Variants in PHF20 observed in about 807,000 individuals in gnomAD.
The protein encoded by PHF20 is PHD finger protein 20, also known as glioma-expressed antigen 2.
A neutral mutation model predicts 113.5 loss-of-function variants in PHF20; 23 were observed. That is an observed-to-expected ratio of 0.20 (90% confidence interval 0.15 to 0.29). The LOEUF (loss-of-function observed/expected upper bound fraction) is 0.29, where lower values mean the gene tolerates loss of function less well. PHF20 is among the 10% of genes least tolerant of loss of function. PHF20 has a pLI of 1.00. For missense variants in PHF20, 943 were observed against 1,219.6 expected, an observed-to-expected ratio of 0.77 and a Z score of 3.38; for synonymous variants, 434 against 457.3, an observed-to-expected ratio of 0.95 and a Z score of 0.65.
At position 35,871,491 on chromosome 20, in the gene PHF20, G is replaced by A. The variant is rs142475151; in HGVS notation, c.1103-159G>A. On this transcript the variant is annotated intron_variant, in intron 8 of 17. Transcript: ENST00000374012. ...ACCTCTTTCTTTGAGAAGCTCACAA[G>A]CCAGCCTGTATGTATGGGAACCTGT... Among the ~76,000 whole-genome samples, 4 of 152,286 alleles carry A rather than the reference G, an allele frequency of 2.6e-5. No homozygotes were observed. The East Asian group carries it at 7.7e-4, about 29-fold the overall frequency.
intron 13 of PHF20, among the ~76,000 whole-genome samples, chr20:35,923,922 C>A (rs1416281453): frequency 3.3e-5 from 5 of 151,782 alleles, no homozygotes; most frequent in Admixed American, 3.3e-4. Flanking sequence ...TTGCTAATTT[C>A]TTTAATTTTT....
chr20:35,781,353 G>C (rs2041291871), intron 1 of PHF20, among the ~76,000 whole-genome samples: 1 of 149,412 alleles, frequency 6.7e-6, no homozygotes, highest in Admixed American at 6.6e-5. Context: ...GTATTAGCCA[G>C]GTTGGTCTCC....
chr20:35,897,515 T>C (rs1201206378), intron 9 of PHF20, among the ~76,000 whole-genome samples: 1 of 151,416 alleles, frequency 6.6e-6, no homozygotes, highest in African/African-American at 2.4e-5. Context: ...AGTTCCCCCA[T>C]AGTGCTGTAG....
rs75257580 is a variant in PHF20 at position 35,868,948 on chromosome 20, G to A, written c.809-490G>A. On this transcript the variant is annotated intron_variant, in intron 6 of 17. Coordinates refer to ENST00000374012, the MANE Select transcript of PHF20 (RefSeq NM_016436.5). ...TCTACTAAAATTACAAAAATTAGCC[G>A]GGTGTGGTGTCGGGTGCCTGTAATC... 2.3e-3 allele frequency among the ~76,000 whole-genome samples: 345 copies of A among 152,102 alleles called. 4 individuals are homozygous for A. In the East Asian group the frequency reaches 0.041, roughly 18 times the overall value.
intron 2 of PHF20, among the ~76,000 whole-genome samples, chr20:35,814,330 G>T (rs1391148759): frequency 2.0e-5 from 3 of 151,598 alleles, no homozygotes; most frequent in Non-Finnish European, 2.9e-5. Flanking sequence ...CAATTCTCCT[G>T]CCTCAGCCTC....
chr20:35,789,004 T>C (rs573214584), intron 1 of PHF20, among the ~76,000 whole-genome samples: 1 of 151,884 alleles, frequency 6.6e-6, no homozygotes, highest in South Asian at 2.1e-4. Context: ...CAGCATAGAG[T>C]GATGAATGCT....
At chr20:35,931,952 A>G (rs907415254) in intron 15 of PHF20, among the ~76,000 whole-genome samples, 7 of 147,248 alleles carry the variant, frequency 4.8e-5, no homozygotes, top group Non-Finnish European at 1.1e-4. Context: ...ACTCCGTCTC[A>G]AAAAAAAAAA....
intron 2 of PHF20, among the ~76,000 whole-genome samples, chr20:35,818,290 A>G (rs1413594333): frequency 6.6e-6 from 1 of 152,056 alleles, no homozygotes; most frequent in Non-Finnish European, 1.5e-5. Flanking sequence ...ACAAAACAAA[A>G]CAAAACAAAA....
At chr20:35,924,298 G>T (rs2055579541) in intron 13 of PHF20, among the ~76,000 whole-genome samples, 1 of 149,986 alleles carries the variant, frequency 6.7e-6, no homozygotes, top group Non-Finnish European at 1.5e-5. Flanking sequence ...AGGTTCAAGT[G>T]ATTCTCCTGC....
chr20:35,845,794 T>C (rs2042613483), intron 3 of PHF20, among the ~76,000 whole-genome samples: 2 of 151,596 alleles, frequency 1.3e-5, no homozygotes, highest in Admixed American at 6.6e-5. Flanking sequence ...TTTTTTTTTT[T>C]TTTGAGGCAG....
At chr20:35,860,482 T>A (rs191257987) in intron 5 of PHF20, among the ~76,000 whole-genome samples, 53 of 152,264 alleles carry the variant, frequency 3.5e-4, no homozygotes, top group African/African-American at 1.3e-3. Flanking sequence ...CCTCGGGTGA[T>A]CTGCCTACCT....
chr20:35,853,215 C>A (rs1297960301), intron 4 of PHF20: 2 of 122,782 alleles, frequency 1.6e-5, no homozygotes, highest in South Asian at 2.9e-4. Context: ...GAGCAAGACT[C>A]GTCTCAAAAA....
chr20:35,876,597 A>T (rs990389166), intron 9 of PHF20, among the ~76,000 whole-genome samples: 1 of 152,076 alleles, frequency 6.6e-6, no homozygotes, highest in East Asian at 1.9e-4. Context: ...AAAGCCAGAG[A>T]CGAATGCAGT....
intron 2 of PHF20, among the ~76,000 whole-genome samples, chr20:35,802,557 T>C (rs993172660): frequency 2.0e-5 from 3 of 152,068 alleles, no homozygotes; most frequent in African/African-American, 7.2e-5. Flanking sequence ...CAAAATAGAT[T>C]GATCAGCTCT....
At chr20:35,935,177 G>A (rs897371700) in intron 15 of PHF20, among the ~76,000 whole-genome samples, 4 of 151,678 alleles carry the variant, frequency 2.6e-5, no homozygotes, top group African/African-American at 4.8e-5. Context: ...TTTTCTTCTC[G>A]ACAGTCTTAA....
intron 9 of PHF20, among the ~76,000 whole-genome samples, chr20:35,880,984 T>G (rs1286103757): frequency 6.6e-6 from 1 of 151,750 alleles, no homozygotes; most frequent in East Asian, 1.9e-4. Context: ...TTAAAAATTT[T>G]TTTTTAGAAA....
intron 4 of PHF20, among the ~76,000 whole-genome samples, chr20:35,851,734 G>A (rs1180949895): frequency 6.6e-6 from 1 of 152,038 alleles, no homozygotes; most frequent in African/African-American, 2.4e-5. Flanking sequence ...GGCCAGCATG[G>A]TGAAACCTAG....
chr20:35,830,183 G>A (rs1198274292), intron 2 of PHF20, among the ~76,000 whole-genome samples: 1 of 152,262 alleles, frequency 6.6e-6, no homozygotes, highest in Admixed American at 6.5e-5. Flanking sequence ...CAGAGTGCTG[G>A]GATTACAGGT....
At chr20:35,888,835 CATATT>C (rs1037618306) in intron 9 of PHF20, among the ~76,000 whole-genome samples, 2 of 151,132 alleles carry the variant, frequency 1.3e-5, no homozygotes, top group Non-Finnish European at 2.9e-5. Flanking sequence ...TGACAAGAAC[CATATT>C]AGTATGCTAA....
Sources: allele counts gnomAD v4.1 joint callset (sites outside exome capture counted in the v4.1 genomes callset), GRCh38; gene constraint gnomAD v4.1.1; transcripts MANE v1.5; gene names NCBI Gene and HGNC (gene_info 2026-07-23, HGNC 2026-07-21).